Variants in PLD1 observed in about 807,000 individuals in gnomAD.
The protein encoded by PLD1 is choline phosphatase 1.
A neutral mutation model predicts 137.1 loss-of-function variants in PLD1; 112 were observed. The ratio of observed to expected loss-of-function variants is 0.82; its 90% confidence interval spans 0.70 to 0.96. The LOEUF (loss-of-function observed/expected upper bound fraction) is 0.96. PLD1 is among the 40% of genes least tolerant of loss of function. The pLI, the probability that PLD1 is intolerant of heterozygous loss-of-function variation, is 0.00. For missense variants in PLD1, 1,321 were observed against 1,342.0 expected (o/e 0.98, Z 0.24); for synonymous variants, 431 against 454.7 (o/e 0.95, Z 0.66).
intron 1 of PLD1, among the ~76,000 whole-genome samples, chr3:171,802,199 A>AC (rs1487914512): frequency 6.6e-6 from 1 of 152,230 alleles, no homozygotes; most frequent in Non-Finnish European, 1.5e-5. Flanking sequence ...GTGAGCACCT[A>AC]CTACATGTCA....
chr3:171,773,915 A>AT (rs376529952), intron 1 of PLD1, among the ~76,000 whole-genome samples: 3,004 of 151,856 alleles, frequency 0.02, 125 homozygotes, highest in African/African-American at 0.069. Flanking sequence ...CACCCAGCTA[A>AT]TTTTTTGTAC....
chr3:171,625,182 T>C (rs7618750), intron 23 of PLD1, among the ~76,000 whole-genome samples: 12,051 of 152,182 alleles, frequency 0.079, 1,357 homozygotes, highest in African/African-American at 0.25. Context: ...GCTTAAAAAA[T>C]GGCGCACCAG....
intron 12 of PLD1, among the ~76,000 whole-genome samples, chr3:171,695,168 GT>G: frequency 6.6e-6 from 1 of 152,232 alleles, no homozygotes; most frequent in African/African-American, 2.4e-5. Flanking sequence ...TTTCCAGGTT[GT>G]TATAGTGTAG....
At chr3:171,757,267 T>TA (rs1404176591) in intron 1 of PLD1, among the ~76,000 whole-genome samples, 2 of 152,168 alleles carry the variant, frequency 1.3e-5, no homozygotes, top group African/African-American at 2.4e-5. Flanking sequence ...TTATCGTCTT[T>TA]AAAAAACTAC....
intron 1 of PLD1, among the ~76,000 whole-genome samples, chr3:171,797,677 CAT>C: frequency 6.6e-6 from 1 of 152,200 alleles, no homozygotes; most frequent in Non-Finnish European, 1.5e-5. Flanking sequence ...CTTCTGAATA[CAT>C]ATTTTTAAGT....
intron 6 of PLD1, among the ~76,000 whole-genome samples, chr3:171,726,761 T>G (rs1212279465): frequency 6.6e-6 from 1 of 152,240 alleles, no homozygotes; most frequent in African/African-American, 2.4e-5. Context: ...GTGGCTGTGT[T>G]TACTGAGTGC....
chr3:171,807,754 C>T (rs1160316173), intron 1 of PLD1, among the ~76,000 whole-genome samples: 2 of 152,092 alleles, frequency 1.3e-5, no homozygotes, highest in Non-Finnish European at 2.9e-5. Context: ...GTTGTTCTAC[C>T]AAAAACACAC....
At chr3:171,639,848 C>CTCTCTCTCTCTATATA (rs3050415) in intron 23 of PLD1, among the ~76,000 whole-genome samples, 3 of 110,190 alleles carry the variant, frequency 2.7e-5, no homozygotes, top group African/African-American at 7.8e-5. Flanking sequence ...CTCTCTCTCT[C>CTCTCTCTCTCTATATA]TATATATATA....
chr3:171,677,775 C>T, intron 16 of PLD1, 81 bp from the exon 17 acceptor site: 8 of 1,343,066 alleles, frequency 6.0e-6, no homozygotes, highest in Non-Finnish European at 8.3e-6. Flanking sequence ...ATTTATTAAA[C>T]ACCTAAAAGC....
At chr3:171,745,357 G>A (rs1019733339) in intron 1 of PLD1, among the ~76,000 whole-genome samples, 2 of 152,232 alleles carry the variant, frequency 1.3e-5, no homozygotes, top group Non-Finnish European at 2.9e-5. Flanking sequence ...GCACAGTTGT[G>A]AGTGGTGGGA....
chr3:171,611,511 C>G (rs1040511584), intron 25 of PLD1: 15 of 492,902 alleles, frequency 3.0e-5, no homozygotes, highest in Non-Finnish European at 6.1e-5. Context: ...TATTTAGGAT[C>G]GCACAGCTGA....
chr3:171,719,565 T>C lies in PLD1; in HGVS notation c.758+5131A>G, dbSNP rs574631013. 5.9e-5 allele frequency among the ~76,000 whole-genome samples: 9 copies of C among 152,358 alleles called. No homozygotes were observed. The South Asian group carries it at 1.9e-3, about 32-fold the overall frequency. On this transcript the variant is annotated intron_variant, in intron 8 of 26. Transcript: ENST00000351298. ...AAATTTTAATTATTGGCACAGCTCA[T>C]AGTTCACTAAAGTAAACACTAAGTA...
intron 23 of PLD1, among the ~76,000 whole-genome samples, 159 bp downstream of exon 23, chr3:171,642,681 G>C (rs935344354): frequency 1.5e-4 from 22 of 151,678 alleles, no homozygotes; most frequent in African/African-American, 4.8e-4. Context: ...AATGGTTTGG[G>C]CAACTTAATG....
chr3:171,629,442 G>A (rs555868600), intron 23 of PLD1, among the ~76,000 whole-genome samples: 312 of 152,268 alleles, frequency 2.0e-3, no homozygotes, highest in African/African-American at 7.2e-3. Flanking sequence ...ACTGCACAAG[G>A]TAATTTATAG....
chr3:171,687,940 C>G (rs1714745513), intron 14 of PLD1, among the ~76,000 whole-genome samples: 1 of 152,194 alleles, frequency 6.6e-6, no homozygotes. Context: ...CTCTGTCAAT[C>G]ATTTTCCCTG....
intron 9 of PLD1, among the ~76,000 whole-genome samples, chr3:171,710,282 C>T (rs1578329864): frequency 1.3e-5 from 2 of 152,120 alleles, no homozygotes; most frequent in African/African-American, 4.8e-5. Flanking sequence ...AGGATGGTCT[C>T]GATCTCCTGA....
At position 171,693,113 on chromosome 3, in the gene PLD1, T is replaced by C. The variant is rs575086485; in HGVS notation, c.1228-671A>G. ...GACAAGGTCACCGTGGCCTATTTAA[T>C]CGAGTCAAATTAAATCAAAAGTGCC... On this transcript the variant is annotated intron_variant, in intron 12 of 26. Coordinates refer to ENST00000351298, the MANE Select transcript of PLD1 (RefSeq NM_002662.5). Among the ~76,000 whole-genome samples, 85 of 152,280 alleles carry C rather than the reference T, an allele frequency of 5.6e-4. 1 individual carries two copies. The highest frequency in any genetic ancestry group is 2.0e-3 in the African/African-American group (82 of 41,566).
intron 1 of PLD1, 41 bp from the exon 2 acceptor site, chr3:171,738,123 A>T: frequency 1.7e-6 from 2 of 1,170,650 alleles, no homozygotes; most frequent in Non-Finnish European, 2.5e-6. Flanking sequence ...TAGCATTTTG[A>T]TAACATAAAA....
intron 1 of PLD1, among the ~76,000 whole-genome samples, chr3:171,751,797 G>A (rs901736009): frequency 7.2e-5 from 11 of 152,222 alleles, no homozygotes; most frequent in Admixed American, 3.9e-4. Context: ...TCAGGAGATC[G>A]AGACCATCCT....
Sources: allele counts gnomAD v4.1 joint callset (sites outside exome capture counted in the v4.1 genomes callset), GRCh38; gene constraint gnomAD v4.1.1; transcripts MANE v1.5; gene names NCBI Gene and HGNC (gene_info 2026-07-23, HGNC 2026-07-21).